The following TAFA2 variants were observed in gnomAD, a reference collection of about 807,000 sequenced individuals.
The protein encoded by TAFA2 is TAFA chemokine like family member 2.
Under a neutral mutation model 18.8 loss-of-function variants are expected in TAFA2, and 7 were observed. The ratio of observed to expected loss-of-function variants is 0.37; its 90% CI spans 0.21 to 0.70. The LOEUF (loss-of-function observed/expected upper bound fraction) is 0.70, where lower values mean the gene tolerates loss of function less well. Ranked by LOEUF, TAFA2 falls within the 30% of genes least tolerant of loss-of-function variation. The probability of loss-of-function intolerance (pLI) is 0.53; values close to 1 mark genes in which losing one functional copy is unlikely to be tolerated. For synonymous variants in TAFA2, 60 were observed against 54.2 expected (o/e 1.11, Z -0.47); for missense variants, 122 against 158.1 (o/e 0.77, Z 1.23).
At chr12:62,179,483 A>G (rs1162491774) in intron 1 of TAFA2, among the ~76,000 whole-genome samples, 1 of 152,164 alleles carries the variant, frequency 6.6e-6, no homozygotes, top group African/African-American at 2.4e-5. Flanking sequence ...GCTGATAGCT[A>G]TCTGTGGCAG....
intron 1 of TAFA2, among the ~76,000 whole-genome samples, chr12:61,941,455 A>T (rs1203844160): frequency 6.6e-6 from 1 of 152,222 alleles, no homozygotes; most frequent in Admixed American, 6.5e-5. Flanking sequence ...AGGAGCCAAG[A>T]TGGCCGAATA....
intron 1 of TAFA2, among the ~76,000 whole-genome samples, chr12:61,913,780 A>G (rs1432843147): frequency 2.0e-5 from 3 of 152,208 alleles, no homozygotes; most frequent in Non-Finnish European, 4.4e-5. Flanking sequence ...AGAAGAACAT[A>G]TGCTTCAAAG....
intron 1 of TAFA2, among the ~76,000 whole-genome samples, chr12:62,002,402 A>C (rs1880408696): frequency 6.6e-6 from 1 of 152,142 alleles, no homozygotes; most frequent in South Asian, 2.1e-4. Context: ...TTGTGTCTCA[A>C]GTATTGGCTT....
In TAFA2 at chr12:61,862,498, C is replaced by T. The variant is rs141605136; in HGVS notation, c.106+4822G>A. The stretch of plus-strand genomic sequence containing the variant: ...CTGGATTTCTACAGTGTTCCTACAT[C>T]ATGTTCAGAAAACGGAGTAATACAG... On this transcript the variant is annotated intron_variant, in intron 2 of 4. Transcript: ENST00000416284. Among the ~76,000 whole-genome samples, 7 of 152,292 alleles carry T rather than the reference C, an allele frequency of 4.6e-5. No individual in the cohort carries two copies. The East Asian group carries it at 1.2e-3, about 25-fold the overall frequency.
chr12:62,136,245 C>T (rs1160152469), intron 1 of TAFA2, among the ~76,000 whole-genome samples: 1 of 152,068 alleles, frequency 6.6e-6, no homozygotes, highest in African/African-American at 2.4e-5. Context: ...CAATAATCTT[C>T]AAAGTTATTT....
chr12:62,193,807 A>G (rs573404794), upstream of TAFA2, among the ~76,000 whole-genome samples: 18 of 152,358 alleles, frequency 1.2e-4, no homozygotes, highest in South Asian at 3.5e-3. Context: ...TAAAGTTATT[A>G]TTAAACACCC....
At chr12:62,016,045 A>G (rs1880927004) in intron 1 of TAFA2, among the ~76,000 whole-genome samples, 1 of 143,168 alleles carries the variant, frequency 7.0e-6, no homozygotes, top group Non-Finnish European at 1.6e-5. Flanking sequence ...GATAAATTTT[A>G]TATTGTGTAT....
At chr12:61,908,309 C>T (rs1216500801) in intron 1 of TAFA2, among the ~76,000 whole-genome samples, 2 of 152,050 alleles carry the variant, frequency 1.3e-5, no homozygotes, top group Non-Finnish European at 1.5e-5. Context: ...GTGCTTTTCT[C>T]ATGATAGTGA....
chr12:62,234,603 C>T, intron 1 of TAFA2: 3 of 823,156 alleles, frequency 3.6e-6, no homozygotes, highest in Non-Finnish European at 6.5e-6. Context: ...TTTCCCGTTG[C>T]ACAAATAGGG....
chr12:61,724,788 T>TATACACCAGATGG (rs1187927173), intron 4 of TAFA2, among the ~76,000 whole-genome samples: 72 of 136,180 alleles, frequency 5.3e-4, no homozygotes, highest in Non-Finnish European at 8.3e-4. Context: ...TGTGTGTGTG[T>TATACACCAGATGG]GTGTGTGTGT....
intron 4 of TAFA2, among the ~76,000 whole-genome samples, chr12:61,729,717 T>C (rs994696013): frequency 7.2e-5 from 11 of 152,158 alleles, no homozygotes; most frequent in Non-Finnish European, 1.3e-4. Flanking sequence ...GAATTCTTTT[T>C]CTGGCAATTC....
chr12:61,869,475 C>G (rs1018055216), intron 1 of TAFA2, among the ~76,000 whole-genome samples: 1 of 152,146 alleles, frequency 6.6e-6, no homozygotes, highest in Non-Finnish European at 1.5e-5. Context: ...CTCTGTGAGG[C>G]ACCAGTTCCA....
chr12:61,982,876 CAAAAAAA>C (rs3031097), intron 1 of TAFA2, among the ~76,000 whole-genome samples: 2 of 101,596 alleles, frequency 2.0e-5, no homozygotes, highest in African/African-American at 3.6e-5. Context: ...AAGTGGAAGG[CAAAAAAA>C]AAAAAAAAAA....
At chr12:61,900,971 GT>G (rs1430148432) in intron 1 of TAFA2, among the ~76,000 whole-genome samples, 1 of 152,026 alleles carries the variant, frequency 6.6e-6, no homozygotes, top group African/African-American at 2.4e-5. Context: ...ATCATGTCAA[GT>G]TTTTTTCATT....
intron 1 of TAFA2, among the ~76,000 whole-genome samples, chr12:62,062,217 A>G (rs1489890033): frequency 6.6e-6 from 1 of 152,154 alleles, no homozygotes; most frequent in African/African-American, 2.4e-5. Flanking sequence ...TTACCTGGCC[A>G]CTTTACTTAC....
rs112788364 is a variant in TAFA2, at chr12:62,152,119, A to G, written c.-2+39140T>C. On this transcript the variant is annotated intron_variant, in intron 1 of 4. Coordinates refer to ENST00000416284, the MANE Select transcript of TAFA2 (RefSeq NM_178539.5). ...TGTAAGCATCCTTACACTGCAGTCA[A>G]CTCTATCTAGAGGAGAAAAAAAGAT... Among the ~76,000 whole-genome samples the G allele has an allele frequency of 7.2e-3, 1,097 of 152,230 alleles. 8 individuals are homozygous for G. Among genetic ancestry groups the G allele is most frequent in the Admixed American group, 0.012 (177 of 15,282 alleles).
chr12:61,911,909 C>G (rs1413679744), intron 1 of TAFA2, among the ~76,000 whole-genome samples: 1 of 152,148 alleles, frequency 6.6e-6, no homozygotes, highest in Non-Finnish European at 1.5e-5. Flanking sequence ...AAGAACCAAA[C>G]AAGTGCCAAA....
intron 1 of TAFA2, among the ~76,000 whole-genome samples, chr12:61,962,883 A>G (rs1308057717): frequency 6.6e-6 from 1 of 151,870 alleles, no homozygotes; most frequent in African/African-American, 2.4e-5. Flanking sequence ...ATTTCTCCCA[A>G]TGCTGTCCCT....
intron 1 of TAFA2, chr12:61,880,815 G>T (rs1875097257): frequency 6.4e-6 from 2 of 310,834 alleles, no homozygotes; most frequent in Admixed American, 3.8e-5. Context: ...CCCTGCAGCT[G>T]CCCCAGAGCC....
Sources: allele counts gnomAD v4.1 joint callset (sites outside exome capture counted in the v4.1 genomes callset), GRCh38; gene constraint gnomAD v4.1.1; transcripts MANE v1.5; gene names NCBI Gene and HGNC (gene_info 2026-07-23, HGNC 2026-07-21).